The following CDK8 variants were observed in gnomAD, a reference collection of about 807,000 sequenced individuals.
The protein encoded by CDK8 is cyclin dependent kinase 8.
Under a neutral mutation model 71.5 loss-of-function variants are expected in CDK8, and 29 were observed. The ratio of observed to expected loss-of-function variants is 0.41; its 90% confidence interval spans 0.30 to 0.55. The LOEUF is 0.55. CDK8 is among the 20% of genes least tolerant of loss of function. The pLI is 0.37. For synonymous variants in CDK8, 161 were observed against 192.1 expected (o/e 0.84, Z 1.34); for missense variants, 288 against 572.6 (o/e 0.50, Z 5.07).
Position 26,347,638 on chromosome 13 carries a change from A to G in CDK8, c.205-1434A>G, listed in dbSNP as rs952832673. ...TGGGCAAAAGACATACTAAATAGAC[A>G]TTTCTCCAAAGACGATCTACAAATG... On this transcript the variant is annotated intron_variant, in intron 2 of 12. Coordinates refer to ENST00000381527, the MANE Select transcript of CDK8 (RefSeq NM_001260.3). Among the ~76,000 whole-genome samples the G allele has an allele frequency of 2.0e-5, 3 of 152,204 alleles. No individual in the cohort carries two copies. In the South Asian group the frequency reaches 6.2e-4, roughly 31 times the overall value.
chr13:26,319,112 G>A (rs115702458), intron 1 of CDK8, among the ~76,000 whole-genome samples: 3,902 of 152,190 alleles, frequency 0.026, 127 homozygotes, highest in South Asian at 0.077. Context: ...TTGCATTTCC[G>A]TACACTAATA....
chr13:26,365,993 A>G (rs1874370377), intron 4 of CDK8, among the ~76,000 whole-genome samples: 1 of 152,134 alleles, frequency 6.6e-6, no homozygotes, highest in Non-Finnish European at 1.5e-5. Flanking sequence ...CATAAAAATT[A>G]ATATCTCAGT....
intron 4 of CDK8, among the ~76,000 whole-genome samples, chr13:26,362,477 G>A (rs925655798): frequency 1.3e-5 from 2 of 152,172 alleles, no homozygotes; most frequent in African/African-American, 4.8e-5. Flanking sequence ...GGGAGCTACT[G>A]TACAAGTCCC....
At chr13:26,261,611 T>C (rs1871775592) in intron 1 of CDK8, among the ~76,000 whole-genome samples, 1 of 152,214 alleles carries the variant, frequency 6.6e-6, no homozygotes, top group African/African-American at 2.4e-5. Context: ...GTTTTCAAGG[T>C]TCATCCATGT....
Position 26,254,147 on chromosome 13 carries a change from G to A in CDK8, c.-495G>A, listed in dbSNP as rs1165747881. ...TCTCTTTGAGGAGGTACCGGCTGTT[G>A]TGCGGCTCTGCCCTTCTGTTTGAGT... On this transcript the variant is annotated 5_prime_UTR_variant, in exon 1 of 13. The change creates a new upstream start codon in the 5' untranslated region. Transcript: ENST00000381527. This position sits in a 1 kb window ranked among gnomAD's most constrained non-coding sequence, Gnocchi z 6.7. 2 of 231,376 alleles carry A rather than the reference G, an allele frequency of 8.6e-6. No individual in the cohort carries two copies. Among genetic ancestry groups the A allele is most frequent in the Non-Finnish European group, 1.7e-5 (2 of 116,736 alleles). The allele number at this position is 231,376 out of a possible 1,614,324, so 14.3% of individuals were successfully genotyped here.
intron 3 of CDK8, among the ~76,000 whole-genome samples, chr13:26,349,603 A>T (rs1405046025): frequency 1.3e-5 from 2 of 152,210 alleles, no homozygotes; most frequent in African/African-American, 4.8e-5. Flanking sequence ...CTTTGGAGAG[A>T]TCTAATAGTT....
chr13:26,282,124 A>G (rs1352156720), intron 1 of CDK8, among the ~76,000 whole-genome samples: 1 of 152,158 alleles, frequency 6.6e-6, no homozygotes, highest in African/African-American at 2.4e-5. Context: ...TGAGAAATAT[A>G]AAAGTTTGGA....
At chr13:26,341,201 A>G (rs984806847) in intron 2 of CDK8, among the ~76,000 whole-genome samples, 10 of 152,100 alleles carry the variant, frequency 6.6e-5, no homozygotes, top group African/African-American at 2.2e-4. Flanking sequence ...ATCTCGGCTC[A>G]CTGCAATCTC....
At chr13:26,395,734 T>C (rs1875962064) in intron 7 of CDK8, among the ~76,000 whole-genome samples, 1 of 152,164 alleles carries the variant, frequency 6.6e-6, no homozygotes, top group South Asian at 2.1e-4. Context: ...CTTATTAATA[T>C]ACTAATTATA....
intron 6 of CDK8, among the ~76,000 whole-genome samples, chr13:26,388,375 A>G (rs1246070424): frequency 6.6e-6 from 1 of 152,220 alleles, no homozygotes; most frequent in Non-Finnish European, 1.5e-5. Context: ...TTACCTAAAT[A>G]CATATCTGGG....
chr13:26,323,789 G>GTAT (rs1874900637), intron 1 of CDK8, among the ~76,000 whole-genome samples: 1 of 152,018 alleles, frequency 6.6e-6, no homozygotes, highest in African/African-American at 2.4e-5. Flanking sequence ...TTTTGACCAT[G>GTAT]TATTCTCTTT....
chr13:26,269,033 CA>C (rs1270717164), intron 1 of CDK8, among the ~76,000 whole-genome samples: 2 of 152,140 alleles, frequency 1.3e-5, no homozygotes, highest in Non-Finnish European at 2.9e-5. Flanking sequence ...TTGCCTTTCT[CA>C]GTTGCGTTCA....
intron 1 of CDK8, among the ~76,000 whole-genome samples, chr13:26,315,665 A>G (rs1874476911): frequency 6.6e-6 from 1 of 152,224 alleles, no homozygotes; most frequent in South Asian, 2.1e-4. Context: ...GTTTTCTGGA[A>G]TCTGACTGCC....
chr13:26,285,235 AAAAAC>A (rs370362781), intron 1 of CDK8, among the ~76,000 whole-genome samples: 64 of 152,320 alleles, frequency 4.2e-4, no homozygotes, highest in South Asian at 4.1e-3. Flanking sequence ...TCCGTCTCAA[AAAAAC>A]AAAACAAAAC....
At chr13:26,391,014 AAAAC>A (rs990677589) in intron 6 of CDK8, among the ~76,000 whole-genome samples, 4 of 151,956 alleles carry the variant, frequency 2.6e-5, no homozygotes, top group African/African-American at 7.2e-5. Context: ...AAAAAAAAAA[AAAAC>A]AAGGTAGGAA....
At chr13:26,384,784 G>A (rs1207290638) in intron 5 of CDK8, among the ~76,000 whole-genome samples, 1 of 152,214 alleles carries the variant, frequency 6.6e-6, no homozygotes, top group Non-Finnish European at 1.5e-5. Context: ...TGCATAGTCA[G>A]CTTCTGATTA....
At chr13:26,347,552 C>A (rs528135222) in intron 2 of CDK8, among the ~76,000 whole-genome samples, 2 of 152,180 alleles carry the variant, frequency 1.3e-5, no homozygotes, top group South Asian at 4.1e-4. Context: ...GGATTAGTAT[C>A]TAGACTATGT....
At chr13:26,346,964 G>A (rs1468483252) in intron 2 of CDK8, among the ~76,000 whole-genome samples, 1 of 152,118 alleles carries the variant, frequency 6.6e-6, no homozygotes, top group East Asian at 1.9e-4. Context: ...TTAAGATCTT[G>A]GTTTTCTCAC....
chr13:26,383,815 GTT>G (rs1875345773), intron 5 of CDK8, among the ~76,000 whole-genome samples: 2 of 152,134 alleles, frequency 1.3e-5, no homozygotes. Flanking sequence ...CTTTGCAAAT[GTT>G]TAGTTATGAG....
Sources: allele counts gnomAD v4.1 joint callset (sites outside exome capture counted in the v4.1 genomes callset), GRCh38; gene constraint gnomAD v4.1.1; non-coding constraint Gnocchi (gnomAD v3.1); transcripts MANE v1.5; gene names NCBI Gene and HGNC (gene_info 2026-07-23, HGNC 2026-07-21).